The following PLCD4 variants were observed in gnomAD, a reference collection of about 807,000 sequenced individuals.
PLCD4 encodes the protein 1-phosphatidylinositol 4,5-bisphosphate phosphodiesterase delta-4.
Under a neutral mutation model 90.2 loss-of-function variants are expected in PLCD4, and 63 were observed. The ratio of observed to expected loss-of-function variants is 0.70; its 90% CI spans 0.57 to 0.86. PLCD4 has a LOEUF of 0.86. PLCD4 is among the 40% of genes least tolerant of loss of function. The probability of loss-of-function intolerance (pLI) is 0.00; values close to 1 mark genes in which losing one functional copy is unlikely to be tolerated. For synonymous variants in PLCD4, 294 were observed against 356.5 expected (o/e 0.82, Z 1.97); for missense variants, 830 against 956.3 (o/e 0.87, Z 1.74).
intron 3 of PLCD4, among the ~76,000 whole-genome samples, chr2:218,616,925 TATAGAGAGAGAGAG>T (rs1421720220): frequency 9.0e-4 from 20 of 22,238 alleles, no homozygotes; most frequent in African/African-American, 3.7e-3. Flanking sequence ...TATATATATA[TATAGAGAGAGAGAG>T]AGAGAGAGAG....
In PLCD4 at chr2:218,633,930, A is replaced by G. The variant is rs543545668; in HGVS notation, c.1606+169A>G. ...CAGAGGAGTTATGAATAGTGGCTCAAGGGTCTAGGGGCAGGAAAGCTGGTC... is the reference window on the plus strand; with the variant it reads ...CAGAGGAGTTATGAATAGTGGCTCAGGGGTCTAGGGGCAGGAAAGCTGGTC... On this transcript the variant is annotated intron_variant, in intron 11 of 15. Coordinates refer to ENST00000450993, the MANE Select transcript of PLCD4 (RefSeq NM_032726.4). The G allele has an allele frequency of 2.4e-5, 29 of 1,192,728 alleles. No individual in the cohort carries two copies. The Admixed American group carries it at 3.7e-4, about 15-fold the overall frequency. The allele number at this position is 1,192,728 out of a possible 1,614,324, so 73.9% of individuals were successfully genotyped here.
At chr2:218,616,915 TATATATATATATAGAGAG>T (rs1459034538) in intron 3 of PLCD4, among the ~76,000 whole-genome samples, 1 of 23,358 alleles carries the variant, frequency 4.3e-5, no homozygotes, top group African/African-American at 1.4e-4. Context: ...TATATATATA[TATATATATATATAGAGAG>T]AGAGAGAGAG....
chr2:218,622,701 T>C lies in PLCD4; in HGVS notation c.595T>C (p.Tyr199His). ...GGAAGGAGAAGAATTCGTACAGTTC[T>C]ATAAGGCATTGACTAAACGTGCTGA... ...TLEGEEFVQF[Y>H]KALTKRAEVQ... Residue 199 changes from tyrosine (Y) to histidine (H), a missense_variant, in exon 6 of 16, where the codon TAT (tyrosine) becomes CAT (histidine). By Grantham distance (83) the Tyr-to-His change is moderately conservative. Coordinates refer to ENST00000450993, the MANE Select transcript of PLCD4 (RefSeq NM_032726.4). 1.2e-6 allele frequency: 2 copies of C among 1,614,052 alleles called. No homozygotes were observed. Among genetic ancestry groups the C allele is most frequent in the Non-Finnish European group, 1.7e-6 (2 of 1,179,910 alleles).
At position 218,633,477 on chromosome 2, in the gene PLCD4, G is replaced by A. The variant is rs775305300; in HGVS notation, c.1450-128G>A. The stretch of plus-strand genomic sequence containing the variant: ...AAGCCTGAGTCCCTTCTCTTGTCCC[G>A]GCAGGTGAGGCAGGAGGGAGAATAC... On this transcript the variant is annotated intron_variant, in intron 10 of 15. Coordinates refer to ENST00000450993, the MANE Select transcript of PLCD4 (RefSeq NM_032726.4). 13 of 1,110,956 alleles carry A rather than the reference G, an allele frequency of 1.2e-5. No individual in the cohort carries two copies. The East Asian group carries it at 1.2e-4, about 10-fold the overall frequency. 68.8% of individuals were successfully genotyped at this position (1,110,956 alleles called of 1,614,324 possible).
chr2:218,631,639 A>G (rs1696373036), intron 9 of PLCD4, among the ~76,000 whole-genome samples: 1 of 145,808 alleles, frequency 6.9e-6, no homozygotes, highest in Non-Finnish European at 1.5e-5. Flanking sequence ...TACTAAAAAT[A>G]CAAATTAGCT....
intron 10 of PLCD4, among the ~76,000 whole-genome samples, chr2:218,632,591 A>C (rs142177341): frequency 1.3e-5 from 2 of 152,246 alleles, no homozygotes; most frequent in East Asian, 3.9e-4. Flanking sequence ...TCCTAGTTGA[A>C]GCACCCATTT....
At chr2:218,613,465 A>G (rs1695438294) in intron 1 of PLCD4, among the ~76,000 whole-genome samples, 1 of 151,896 alleles carries the variant, frequency 6.6e-6, no homozygotes, top group South Asian at 2.1e-4. Context: ...GAAACTCACA[A>G]TATACTTCTA....
At position 218,636,548 on chromosome 2, in the gene PLCD4, C is replaced by CA. The variant is rs1297203682; in HGVS notation, c.2261dup (p.Glu755GlyfsTer7). ...TTCCATCTTTGTGTATATCTGCATC[C>CA]AGGAAGGCCTGGAGGGGGATGAGTC... On this transcript the variant is annotated frameshift_variant, in exon 16 of 16. Coordinates refer to ENST00000450993, the MANE Select transcript of PLCD4 (RefSeq NM_032726.4). LOFTEE classifies it high-confidence loss of function. 1.2e-6 allele frequency: 2 copies of CA among 1,613,970 alleles called. No homozygotes were observed. Among genetic ancestry groups the CA allele is most frequent in the Non-Finnish European group, 1.7e-6 (2 of 1,179,888 alleles).
chr2:218,627,156 G>GAGCCT (rs1227423384), intron 6 of PLCD4, among the ~76,000 whole-genome samples: 1 of 151,642 alleles, frequency 6.6e-6, no homozygotes, highest in Non-Finnish European at 1.5e-5. Context: ...AGCTACTCGG[G>GAGCCT]AGCCTGAGGC....
chr2:218,614,730 C>T (rs1473805372), intron 1 of PLCD4, among the ~76,000 whole-genome samples: 4 of 149,834 alleles, frequency 2.7e-5, no homozygotes, highest in Non-Finnish European at 3.0e-5. Context: ...GGATTACAGG[C>T]GTGAGCCACC....
Position 218,636,327 on chromosome 2 carries a change from A to G in PLCD4, c.2117A>G (p.Tyr706Cys). 2 of 1,614,004 alleles carry G rather than the reference A, an allele frequency of 1.2e-6. No individual in the cohort carries two copies. The highest frequency in any genetic ancestry group is 8.5e-7 in the Non-Finnish European group (1 of 1,179,900). The change falls in exon 15 of 16, where the codon TAT (tyrosine) becomes TGT (cysteine). Residue 706 changes from tyrosine (Y) to cysteine (C), a missense_variant. Coordinates refer to ENST00000450993, the MANE Select transcript of PLCD4 (RefSeq NM_032726.4). ...LAMLRFVVMD[Y>C]DWKSRNDFIG... is the part of the protein sequence containing the mutation. The stretch of plus-strand genomic sequence containing the variant: ...ATGCTGCGTTTTGTGGTAATGGATT[A>G]TGACTGGAAATCCCGAAATGACTTT...
intron 3 of PLCD4, among the ~76,000 whole-genome samples, chr2:218,616,965 G>T (rs1695638236): frequency 1.9e-5 from 2 of 106,686 alleles, no homozygotes; most frequent in Admixed American, 9.6e-5. Context: ...GAGAGAGAGA[G>T]AGAGAGAGAG....
Position 218,634,687 on chromosome 2 carries a change from G to A in PLCD4, c.1896+57G>A. ...TGAGATAACTGGGATAGAAGTGAGG[G>A]AAGAGGTGGCTAGGCCTGACCGGAA... On this transcript the variant is annotated intron_variant, in intron 13 of 15. Transcript: ENST00000450993. This position sits in a 1 kb window ranked among gnomAD's most constrained non-coding sequence, Gnocchi z 4.0. 6.3e-6 allele frequency: 10 copies of A among 1,582,162 alleles called. No homozygotes were observed. The South Asian group carries it at 1.1e-4, about 18-fold the overall frequency.
At chr2:218,615,645 A>T in intron 1 of PLCD4, 62 bp from the exon 2 acceptor site, 1 of 1,419,018 alleles carries the variant, frequency 7.0e-7, no homozygotes, top group Non-Finnish European at 9.5e-7. Context: ...TAGAAGCAAA[A>T]ATCAGCTACA....
rs1696601605 is a variant in PLCD4, at chr2:218,634,580, C to T, written c.1846C>T (p.His616Tyr). 6.2e-7 allele frequency: 1 copy of T among 1,614,062 alleles called. No individual in the cohort carries two copies. Among genetic ancestry groups the T allele is most frequent in the Admixed American group, 1.7e-5 (1 of 60,028 alleles). ...DFLRDIQSSF[H>Y]PEKPISPFKA... ...CCTGCGTGATATCCAGAGTTCTTTC[C>T]ACCCTGAGAAGCCCATCAGCCCTTT... The change falls in exon 13 of 16, where the codon CAC (histidine) becomes TAC (tyrosine). Residue 616 changes from histidine (H) to tyrosine (Y), a missense_variant. Coordinates refer to ENST00000450993, the MANE Select transcript of PLCD4 (RefSeq NM_032726.4). The surrounding 1 kb of genome is among the most constrained non-coding windows in gnomAD (Gnocchi z 4.0).
Position 218,618,944 on chromosome 2 carries a change from C to T in PLCD4, c.410+137C>T, listed in dbSNP as rs1006497785. ...AGGGTCCAGATGGTATGGGCAGGGACAGCTCAGGCCAATGTGAGACTGAGA... is the reference window on the plus strand; with the variant it reads ...AGGGTCCAGATGGTATGGGCAGGGATAGCTCAGGCCAATGTGAGACTGAGA... On this transcript the variant is annotated intron_variant, in intron 4 of 15. Transcript: ENST00000450993. The T allele has an allele frequency of 4.2e-6, 3 of 719,980 alleles. No homozygotes were observed. In the South Asian group the frequency reaches 5.5e-5, roughly 13 times the overall value. The allele number at this position is 719,980 out of a possible 1,614,324, so 44.6% of individuals were successfully genotyped here. A position where few individuals can be genotyped will look rare whatever the true frequency, so the allele number is the denominator to read the frequency against.
chr2:218,633,873 GGAGT>G, intron 11 of PLCD4, 112 bp downstream of exon 11: 43 of 1,158,234 alleles, frequency 3.7e-5, no homozygotes, highest in African/African-American at 4.6e-5. Context: ...GAGAGATGAA[GGAGT>G]TCAGAAACTC....
intron 3 of PLCD4, among the ~76,000 whole-genome samples, chr2:218,616,927 TAGAGAGAGAGAGAG>T (rs71266346): frequency 3.6e-3 from 49 of 13,738 alleles, no homozygotes; most frequent in African/African-American, 0.01. Context: ...TATATATATA[TAGAGAGAGAGAGAG>T]AGAGAGAGAG....
Position 218,634,159 on chromosome 2 carries a change from G to A in PLCD4, c.1661G>A (p.Gly554Asp). The A allele has an allele frequency of 6.2e-7, 1 of 1,612,842 alleles. No homozygotes were observed. Among genetic ancestry groups the A allele is most frequent in the Non-Finnish European group, 8.5e-7 (1 of 1,179,446 alleles). ...TWQLSRVYPSGLRTDSSNYNP... is the reference protein window; with the variant it reads ...TWQLSRVYPSDLRTDSSNYNP... ...CAGTTAAGCCGTGTGTATCCCAGCGGCCTGAGGACAGACTCTTCCAACTAC... is the reference window on the plus strand; with the variant it reads ...CAGTTAAGCCGTGTGTATCCCAGCGACCTGAGGACAGACTCTTCCAACTAC... Residue 554 changes from glycine to aspartate, a missense_variant, in exon 12 of 16, where the codon GGC becomes GAC. Physicochemically the swap from Gly to Asp is moderately conservative, Grantham distance 94 (BLOSUM62 -1). Transcript: ENST00000450993. The surrounding 1 kb of genome is among the most constrained non-coding windows in gnomAD (Gnocchi z 4.0).
Sources: allele counts gnomAD v4.1 joint callset (sites outside exome capture counted in the v4.1 genomes callset), GRCh38; gene constraint gnomAD v4.1.1; non-coding constraint Gnocchi (gnomAD v3.1); transcripts MANE v1.5; gene names NCBI Gene and HGNC (gene_info 2026-07-23, HGNC 2026-07-21).